Variants in LAMC2 observed in about 807,000 individuals in gnomAD.
The protein encoded by LAMC2 is laminin subunit gamma-2.
In LAMC2, 97 loss-of-function variants were observed where a neutral mutation model predicts 140.2. The ratio of observed to expected loss-of-function variants is 0.69; its 90% confidence interval spans 0.59 to 0.82. The LOEUF is 0.82. Among genes scored for constraint, LAMC2 ranks in the 40% least tolerant of loss-of-function variants. LAMC2 has a pLI of 0.00. For synonymous variants in LAMC2, 513 were observed against 540.2 expected (o/e 0.95, Z 0.70); for missense variants, 1,402 against 1,476.1 (o/e 0.95, Z 0.82).
intron 1 of LAMC2, among the ~76,000 whole-genome samples, chr1:183,201,755 A>G (rs1658713400): frequency 6.6e-6 from 1 of 152,186 alleles, no homozygotes; most frequent in South Asian, 2.1e-4. Context: ...GAAATACTAA[A>G]ATATTCCATT....
intron 1 of LAMC2, among the ~76,000 whole-genome samples, chr1:183,206,736 T>C (rs557422169): frequency 7.7e-4 from 117 of 151,920 alleles, no homozygotes; most frequent in Middle Eastern, 3.4e-3. Flanking sequence ...ACTCAGCAGG[T>C]GATGGCACAT....
chr1:183,197,424 C>T (rs2102175574), intron 1 of LAMC2, among the ~76,000 whole-genome samples: 1 of 152,236 alleles, frequency 6.6e-6, no homozygotes, highest in African/African-American at 2.4e-5. Flanking sequence ...CCTGTAATCC[C>T]AACACTTTGG....
At position 183,232,228 on chromosome 1, in the gene LAMC2, G is replaced by C. The variant is rs141812464; in HGVS notation, c.1899G>C (p.Leu633=). Residue 633 remains leucine (L), a synonymous_variant, in exon 13 of 23, where the codon CTG becomes CTC. Transcript: ENST00000264144. Reference sequence around the variant, plus strand: ...AGCAGCTTCAGAGAATGGAGGCCCTGATTTCAAAGGCTCAGGGTGGTGATG... The same window carrying C: ...AGCAGCTTCAGAGAATGGAGGCCCTCATTTCAAAGGCTCAGGGTGGTGATG... ...FMQQLQRMEA[L]ISKAQGGDGV... The C allele has an allele frequency of 3.2e-3, 5,196 of 1,614,010 alleles. 12 individuals are homozygous for C. Among genetic ancestry groups the C allele is most frequent in the Middle Eastern group, 6.4e-3 (38 of 5,924 alleles).
chr1:183,254,726 C>T, the LAMC2 span, among the ~76,000 whole-genome samples: 1 of 152,238 alleles, frequency 6.6e-6, no homozygotes, highest in Non-Finnish European at 1.5e-5. Flanking sequence ...TATGAGCCAT[C>T]ACACTGTGCC....
At chr1:183,251,342 T>C in the LAMC2 span, 4 of 152,212 alleles carry the variant, frequency 2.6e-5, no homozygotes, top group African/African-American at 9.7e-5. Flanking sequence ...TTACCTCAGC[T>C]AGAGAGGGTG....
chr1:183,247,929 A>G (rs908789469), downstream of LAMC2, among the ~76,000 whole-genome samples: 2 of 152,394 alleles, frequency 1.3e-5, no homozygotes, highest in East Asian at 3.8e-4. Context: ...TAAAATACTA[A>G]TTTCATTGAG....
downstream of LAMC2, among the ~76,000 whole-genome samples, chr1:183,245,845 T>A (rs1454404007): frequency 2.0e-5 from 3 of 152,186 alleles, no homozygotes; most frequent in Non-Finnish European, 2.9e-5. Flanking sequence ...TGTAATCATA[T>A]AAGGATTCTT....
intron 1 of LAMC2, among the ~76,000 whole-genome samples, chr1:183,201,054 T>C (rs777560031): frequency 1.3e-5 from 2 of 152,320 alleles, no homozygotes; most frequent in South Asian, 4.2e-4. Context: ...GAGTCTCATT[T>C]CTTTGGCTGT....
At chr1:183,197,503 T>C (rs1658555442) in intron 1 of LAMC2, among the ~76,000 whole-genome samples, 1 of 152,010 alleles carries the variant, frequency 6.6e-6, no homozygotes, top group Admixed American at 6.6e-5. Context: ...GGTGAAACCC[T>C]GTCTCTACTA....
Position 183,228,738 on chromosome 1 carries a change from A to C in LAMC2, c.1714+119A>C. 7.1e-7 allele frequency: 1 copy of C among 1,414,028 alleles called. No individual in the cohort carries two copies. The highest frequency in any genetic ancestry group is 2.4e-4 in the Middle Eastern group (1 of 4,086). The allele number at this position is 1,414,028 out of a possible 1,614,324, so 87.6% of individuals were successfully genotyped here. A position where few individuals can be genotyped will look rare whatever the true frequency, so the allele number is the denominator to read the frequency against. On this transcript the variant is annotated intron_variant, in intron 11 of 22. Transcript: ENST00000264144. This position sits in a 1 kb window ranked among gnomAD's most constrained non-coding sequence, Gnocchi z 4.3. ...ATGATGTTACTTTGATTCTCTGACC[A>C]AACTGGCCTGTGAGCACCCTGGGCC...
At chr1:183,242,437 A>G (rs1195845444) in intron 22 of LAMC2, among the ~76,000 whole-genome samples, 1 of 152,226 alleles carries the variant, frequency 6.6e-6, no homozygotes, top group Non-Finnish European at 1.5e-5. Flanking sequence ...CGAATTGACC[A>G]AGGCCACTCA....
rs1659711433 is a variant in LAMC2, at chr1:183,228,712, C to A, written c.1714+93C>A. 16 of 1,530,486 alleles carry A rather than the reference C, an allele frequency of 1.0e-5. No individual in the cohort carries two copies. In the East Asian group the frequency reaches 3.6e-4, roughly 34 times the overall value. 94.8% of individuals were successfully genotyped at this position (1,530,486 alleles called of 1,614,324 possible). A position where few individuals can be genotyped will look rare whatever the true frequency, so the allele number is the denominator to read the frequency against. On this transcript the variant is annotated intron_variant, in intron 11 of 22. Coordinates refer to ENST00000264144, the MANE Select transcript of LAMC2 (RefSeq NM_005562.3). This position sits in a 1 kb window ranked among gnomAD's most constrained non-coding sequence, Gnocchi z 4.3. Reference sequence around the variant, plus strand: ...AAGCAGGGACAATGGCAGTTCATATCATGATGTTACTTTGATTCTCTGACC... The same window carrying A: ...AAGCAGGGACAATGGCAGTTCATATAATGATGTTACTTTGATTCTCTGACC...
At chr1:183,217,478 C>T (rs1659309751) in intron 3 of LAMC2, among the ~76,000 whole-genome samples, 1 of 152,196 alleles carries the variant, frequency 6.6e-6, no homozygotes, top group Non-Finnish European at 1.5e-5. Context: ...AACTTGTACA[C>T]ACACATTCAC....
chr1:183,202,820 G>C (rs487313), intron 1 of LAMC2, among the ~76,000 whole-genome samples: 51,996 of 151,996 alleles, frequency 0.34, 9,438 homozygotes, highest in Middle Eastern at 0.41. Context: ...TGTAAACTCC[G>C]TGAGGGCTGG....
At chr1:183,253,842 G>A in the LAMC2 span, among the ~76,000 whole-genome samples, 2 of 151,950 alleles carry the variant, frequency 1.3e-5, no homozygotes, top group South Asian at 4.2e-4. Flanking sequence ...TGTCTTCCAG[G>A]TCTAGCCAAG....
At chr1:183,198,661 C>T (rs1007807959) in intron 1 of LAMC2, among the ~76,000 whole-genome samples, 2 of 152,194 alleles carry the variant, frequency 1.3e-5, no homozygotes, top group African/African-American at 4.8e-5. Context: ...CCCACACAGC[C>T]GCCAAGTACA....
rs1235406911 is a variant in LAMC2, at chr1:183,243,842, A to G, written c.*442A>G. 4.0e-6 allele frequency: 1 copy of G among 252,264 alleles called. No individual in the cohort carries two copies. Among genetic ancestry groups the G allele is most frequent in the Non-Finnish European group, 7.8e-6 (1 of 127,972 alleles). 15.6% of individuals were successfully genotyped at this position (252,264 alleles called of 1,614,324 possible). ...TCTTCCTAATGTCAGAACAGAGTGC[A>G]ACCCAGTCACACTGTGGCCAGTAAA... On this transcript the variant is annotated 3_prime_UTR_variant, in exon 23 of 23. Transcript: ENST00000264144.
intron 2 of LAMC2, among the ~76,000 whole-genome samples, chr1:183,210,308 G>T (rs1158599248): frequency 1.3e-5 from 2 of 152,172 alleles, no homozygotes; most frequent in Non-Finnish European, 1.5e-5. Context: ...CTCTGGGCAG[G>T]TTCCTTAACC....
chr1:183,234,668 C>G (rs1659898662), intron 15 of LAMC2, among the ~76,000 whole-genome samples: 1 of 152,166 alleles, frequency 6.6e-6, no homozygotes, highest in Non-Finnish European at 1.5e-5. Context: ...GAGGGTGTTT[C>G]TTTCCCACAT....
Sources: gnomAD v4.1 joint callset for allele counts (sites outside exome capture counted in the v4.1 genomes callset) on GRCh38, gnomAD v4.1.1 for gene constraint, Gnocchi (gnomAD v3.1) non-coding constraint, MANE v1.5 for transcripts, NCBI Gene and HGNC (gene_info 2026-07-23, HGNC 2026-07-21) for gene names.